Variants in BDP1 observed in about 807,000 individuals in gnomAD.
BDP1 encodes the protein BDP1 general transcription factor IIIB subunit, also known as transcription factor TFIIIB component B'' homolog.
Under a neutral mutation model 266.6 loss-of-function variants are expected in BDP1, and 169 were observed. The observed-to-expected ratio is 0.63, with a 90% CI of 0.56 to 0.72. The LOEUF (loss-of-function observed/expected upper bound fraction) is 0.72. Among genes scored for constraint, BDP1 ranks in the 30% least tolerant of loss-of-function variants. BDP1 has a pLI of 0.00. For synonymous variants in BDP1, 1,090 were observed against 1,022.4 expected (o/e 1.07, Z -1.26); for missense variants, 3,015 against 3,053.8 (o/e 0.99, Z 0.30).
In BDP1 at chr5:71,464,066, T is replaced by C. The variant is rs747144156; in HGVS notation, c.608T>C (p.Leu203Pro). Residue 203 changes from leucine (L) to proline (P), a missense_variant, in exon 4 of 39, where the codon CTG becomes CCG. By Grantham distance (98) the Leu-to-Pro change is moderately conservative. This residue lies in a region of BDP1 where 2,383 missense variants were observed against 2,404.9 expected (regional missense o/e 0.99). Coordinates refer to ENST00000358731, the MANE Select transcript of BDP1 (RefSeq NM_018429.3). ...LPDNNPMTSS[L>P]EQEKKTEKPS... ...TTATTTATGTTCAATAGTTCTTCAC[T>C]GGAACAAGAAAAGAAAACTGAAAAG... 2.6e-6 allele frequency: 4 copies of C among 1,564,794 alleles called. No individual in the cohort carries two copies. The highest frequency in any genetic ancestry group is 8.7e-7 in the Non-Finnish European group (1 of 1,149,468).
chr5:71,572,648 G>A (rs1744306654), downstream of BDP1, among the ~76,000 whole-genome samples: 1 of 152,172 alleles, frequency 6.6e-6, no homozygotes, highest in Admixed American at 6.5e-5. Context: ...AAACAAACTG[G>A]TGCTCGGGTT....
rs1408531086 is a variant in BDP1 at position 71,559,977 on chromosome 5, TGAAGGGGAG to T, written c.7241-4_7245del. The T allele has an allele frequency of 1.2e-6, 2 of 1,611,502 alleles. No homozygotes were observed. Among genetic ancestry groups the T allele is most frequent in the South Asian group, 1.1e-5 (1 of 90,650 alleles). Reference sequence around the variant, plus strand: ...CTTGCTTTCCATTTGCTCTTTTTTTTGAAGGGGAGTCTCACAAGGGACAAGATATTTTTC... The same window carrying T: ...CTTGCTTTCCATTTGCTCTTTTTTTTTCTCACAAGGGACAAGATATTTTTC... On this transcript the variant is annotated splice_acceptor_variant and splice_polypyrimidine_tract_variant and coding_sequence_variant and intron_variant, in exon 37 of 39. Transcript: ENST00000358731. LOFTEE classifies it high-confidence loss of function.
At chr5:71,503,436 C>G (rs886741052) in intron 15 of BDP1, among the ~76,000 whole-genome samples, 3 of 152,204 alleles carry the variant, frequency 2.0e-5, no homozygotes, top group Non-Finnish European at 2.9e-5. Context: ...TTTCACCTGA[C>G]CTCATATTTG....
chr5:71,529,568 A>G lies in BDP1; in HGVS notation c.5773-2740A>G, dbSNP rs76836990. The stretch of plus-strand genomic sequence containing the variant: ...TAGCAAGGTGTGTTGGTGCGTATCT[A>G]TAATCCCAGCTACTCAGAAGGCTGA... On this transcript the variant is annotated intron_variant, in intron 25 of 38. Transcript: ENST00000358731. Among the ~76,000 whole-genome samples, 605 of 152,312 alleles carry G rather than the reference A, an allele frequency of 4.0e-3. 3 individuals carry two copies. Among genetic ancestry groups the G allele is most frequent in the African/African-American group, 0.014 (562 of 41,570 alleles).
intron 7 of BDP1, among the ~76,000 whole-genome samples, chr5:71,477,165 CT>C (rs887674054): frequency 6.6e-6 from 1 of 150,982 alleles, no homozygotes; most frequent in East Asian, 1.9e-4. Context: ...CTTTCCTTTT[CT>C]TTTTTTTTCT....
At chr5:71,502,846 T>C in intron 15 of BDP1, 55 bp downstream of exon 15, 2 of 1,364,840 alleles carry the variant, frequency 1.5e-6, no homozygotes, top group Non-Finnish European at 2.0e-6. Context: ...TGAGCCTTAA[T>C]ATAAGCTTCC....
intron 21 of BDP1, among the ~76,000 whole-genome samples, chr5:71,516,972 C>T (rs893234722): frequency 6.6e-6 from 1 of 152,024 alleles, no homozygotes; most frequent in Non-Finnish European, 1.5e-5. Context: ...ATTATGTAAA[C>T]ATATTACTGC....
intron 15 of BDP1, 49 bp from the exon 16 acceptor site, chr5:71,504,572 T>C (rs1017071399): frequency 8.5e-6 from 13 of 1,528,504 alleles, no homozygotes; most frequent in South Asian, 1.2e-5. Context: ...AAATCTGTTA[T>C]GCCTCATTGT....
intron 19 of BDP1, among the ~76,000 whole-genome samples, chr5:71,514,577 T>C (rs1765121213): frequency 6.6e-6 from 1 of 152,226 alleles, no homozygotes; most frequent in Admixed American, 6.5e-5. Context: ...TGTGAGCTTC[T>C]TTTTAGATCA....
At chr5:71,460,445 T>C (rs1228750404) in intron 2 of BDP1, among the ~76,000 whole-genome samples, 1 of 152,220 alleles carries the variant, frequency 6.6e-6, no homozygotes, top group Non-Finnish European at 1.5e-5. Flanking sequence ...CAGTGTCAGC[T>C]TCTGTTATGA....
Position 71,562,799 on chromosome 5 carries a change from A to G in BDP1, c.7743+279A>G, listed in dbSNP as rs892159773. 2.3e-5 allele frequency: 31 copies of G among 1,348,304 alleles called. 1 individual carries two copies. In the South Asian group the frequency reaches 3.6e-4, roughly 15 times the overall value. 83.5% of individuals were successfully genotyped at this position (1,348,304 alleles called of 1,614,324 possible). On this transcript the variant is annotated intron_variant, in intron 38 of 38. Coordinates refer to ENST00000358731, the MANE Select transcript of BDP1 (RefSeq NM_018429.3). ...GAGACCCTTCTGACTTGTGGAAGCA[A>G]AAGGAAGCAGTGCTGACACCCACAA...
intron 21 of BDP1, among the ~76,000 whole-genome samples, 173 bp from the exon 22 acceptor site, chr5:71,517,149 C>T (rs1160472888): frequency 6.6e-6 from 1 of 152,058 alleles, no homozygotes; most frequent in East Asian, 1.9e-4. Flanking sequence ...ATCGTTTGAG[C>T]CTAGGACTTT....
At chr5:71,563,942 C>T (rs966556621) in intron 38 of BDP1, among the ~76,000 whole-genome samples, 3 of 152,140 alleles carry the variant, frequency 2.0e-5, no homozygotes, top group African/African-American at 4.8e-5. Context: ...CACCTACCTC[C>T]GTCCAGAATT....
intron 19 of BDP1, among the ~76,000 whole-genome samples, chr5:71,513,662 T>C (rs1765063062): frequency 6.6e-6 from 1 of 152,146 alleles, no homozygotes; most frequent in African/African-American, 2.4e-5. Context: ...TCCAGCTATG[T>C]GACCATTGAT....
intron 13 of BDP1, among the ~76,000 whole-genome samples, chr5:71,499,922 G>T (rs1372637131): frequency 6.6e-6 from 1 of 152,070 alleles, no homozygotes; most frequent in African/African-American, 2.4e-5. Flanking sequence ...TTCTTGTTAT[G>T]CATTGTCTTT....
chr5:71,532,534 AT>A (rs1766308356), intron 26 of BDP1, 107 bp downstream of exon 26: 1 of 1,098,084 alleles, frequency 9.1e-7, no homozygotes, highest in Non-Finnish European at 1.3e-6. Context: ...TACTTAGCTA[AT>A]TTCTCTTTGT....
intron 14 of BDP1, 124 bp downstream of exon 14, chr5:71,501,777 G>T: frequency 1.6e-6 from 1 of 638,300 alleles, no homozygotes; most frequent in Non-Finnish European, 2.7e-6. Context: ...CTTTAAGTTC[G>T]TTTTCAACCA....
Position 71,544,759 on chromosome 5 carries a change from AGTT to A in BDP1, c.6563+255_6563+257del, listed in dbSNP as rs563261868. Among the ~76,000 whole-genome samples the A allele has an allele frequency of 5.0e-4, 76 of 151,514 alleles. No homozygotes were observed. In the East Asian group the frequency reaches 0.015, roughly 30 times the overall value. On this transcript the variant is annotated intron_variant, in intron 31 of 38. Coordinates refer to ENST00000358731, the MANE Select transcript of BDP1 (RefSeq NM_018429.3). ...GCCGGGCGTGGTGGCGGGCGTCTGT[AGTT>A]GTAGCTACTTGGGAGGCCGAGGCAG...
chr5:71,519,688 A>G (rs1765400332), intron 22 of BDP1, among the ~76,000 whole-genome samples: 1 of 152,176 alleles, frequency 6.6e-6, no homozygotes, highest in Non-Finnish European at 1.5e-5. Context: ...TATATACCAC[A>G]CTTTCTCACT....
Sources: allele counts gnomAD v4.1 joint callset (sites outside exome capture counted in the v4.1 genomes callset), GRCh38; gene constraint gnomAD v4.1.1; regional missense constraint gnomAD v4.1.1; transcripts MANE v1.5; gene names NCBI Gene and HGNC (gene_info 2026-07-23, HGNC 2026-07-21).